The following DLG2 variants were observed in gnomAD, a reference collection of about 807,000 sequenced individuals.
The protein encoded by DLG2 is discs large MAGUK scaffold protein 2.
DLG2 carries 45 observed loss-of-function variants against 132.5 expected under a neutral mutation model. The observed-to-expected ratio is 0.34, with a 90% CI of 0.27 to 0.44. The LOEUF is 0.44. Among genes scored for constraint, DLG2 ranks in the 20% least tolerant of loss-of-function variants. The pLI is 1.00. For missense variants in DLG2, 1,045 were observed against 1,196.9 expected (o/e 0.87, Z 1.87); for synonymous variants, 424 against 419.6 (o/e 1.01, Z -0.13).
At chr11:85,538,140 T>G (rs930953499) in intron 3 of DLG2, among the ~76,000 whole-genome samples, 3 of 151,200 alleles carry the variant, frequency 2.0e-5, no homozygotes, top group Non-Finnish European at 2.9e-5. Context: ...AATTAAAAAA[T>G]AAAAAAAGAA....
At chr11:84,299,376 G>C (rs1323763068) in intron 7 of DLG2, among the ~76,000 whole-genome samples, 1 of 152,152 alleles carries the variant, frequency 6.6e-6, no homozygotes, top group Non-Finnish European at 1.5e-5. Context: ...TTATGGGAAT[G>C]ATAACACACC....
chr11:84,239,250 G>C (rs1483341127), intron 8 of DLG2, among the ~76,000 whole-genome samples: 1 of 151,130 alleles, frequency 6.6e-6, no homozygotes, highest in Non-Finnish European at 1.5e-5. Flanking sequence ...GTGTGATCTC[G>C]GCTCACTGCA....
At chr11:85,171,592 T>C (rs979018674) in intron 4 of DLG2, among the ~76,000 whole-genome samples, 1 of 152,110 alleles carries the variant, frequency 6.6e-6, no homozygotes, top group Non-Finnish European at 1.5e-5. Flanking sequence ...GGGGGCTGAA[T>C]CCAGGAGTTA....
intron 7 of DLG2, among the ~76,000 whole-genome samples, chr11:84,433,668 T>G (rs1328391478): frequency 6.6e-6 from 1 of 152,206 alleles, no homozygotes; most frequent in South Asian, 2.1e-4. Context: ...TCACCTAACA[T>G]CTTTGACTTT....
At chr11:85,043,723 A>C (rs1167561616) in intron 6 of DLG2, among the ~76,000 whole-genome samples, 1 of 151,954 alleles carries the variant, frequency 6.6e-6, no homozygotes, top group African/African-American at 2.4e-5. Context: ...CTTTAAAATA[A>C]CTTTTAAAAT....
chr11:84,328,865 T>C (rs1444351888), intron 7 of DLG2, among the ~76,000 whole-genome samples: 3 of 152,128 alleles, frequency 2.0e-5, no homozygotes, highest in Non-Finnish European at 2.9e-5. Flanking sequence ...ATTAACCATC[T>C]TCTCCTCTGG....
At chr11:84,591,333 G>GT (rs2099542860) in intron 6 of DLG2, among the ~76,000 whole-genome samples, 2 of 118,768 alleles carry the variant, frequency 1.7e-5, no homozygotes, top group Admixed American at 9.2e-5. Context: ...TTTTTGTTTT[G>GT]TTTGTTTGTT....
chr11:85,555,814 A>G (rs1289074894), intron 3 of DLG2, among the ~76,000 whole-genome samples: 1 of 151,802 alleles, frequency 6.6e-6, no homozygotes. Flanking sequence ...CTCAGAGATG[A>G]GAGGAACTTT....
chr11:85,553,269 T>TA (rs1009105226), intron 3 of DLG2, among the ~76,000 whole-genome samples: 2 of 151,716 alleles, frequency 1.3e-5, no homozygotes, highest in Admixed American at 1.3e-4. Flanking sequence ...TTTCATTCAA[T>TA]AAATACTTAT....
At chr11:84,784,642 T>C (rs1248857581) in intron 6 of DLG2, among the ~76,000 whole-genome samples, 1 of 152,196 alleles carries the variant, frequency 6.6e-6, no homozygotes, top group East Asian at 1.9e-4. Context: ...GACTCTTGCT[T>C]TTAAAAATAA....
At chr11:84,740,342 G>A (rs1298828358) in intron 6 of DLG2, among the ~76,000 whole-genome samples, 1 of 152,034 alleles carries the variant, frequency 6.6e-6, no homozygotes, top group African/African-American at 2.4e-5. Context: ...AATCCCATCA[G>A]GCTCCATTGC....
At chr11:84,336,021 A>G (rs1169626979) in intron 7 of DLG2, among the ~76,000 whole-genome samples, 2 of 152,228 alleles carry the variant, frequency 1.3e-5, no homozygotes, top group Non-Finnish European at 2.9e-5. Context: ...ACAGCATAAC[A>G]TGCATATCCA....
intron 3 of DLG2, among the ~76,000 whole-genome samples, chr11:85,380,101 C>A (rs1455393617): frequency 6.6e-6 from 1 of 152,152 alleles, no homozygotes; most frequent in Non-Finnish European, 1.5e-5. Context: ...CTAAATATCA[C>A]CCACAGCTAA....
chr11:84,517,979 G>A (rs2099278854), intron 7 of DLG2, among the ~76,000 whole-genome samples: 1 of 151,748 alleles, frequency 6.6e-6, no homozygotes, highest in Admixed American at 6.6e-5. Flanking sequence ...GTAGAAAGGT[G>A]TTTACCAGGA....
At chr11:85,138,138 T>A (rs2076242443) in intron 5 of DLG2, among the ~76,000 whole-genome samples, 2 of 152,174 alleles carry the variant, frequency 1.3e-5, no homozygotes, top group Admixed American at 1.3e-4. Flanking sequence ...GATATTCAAT[T>A]GTATGGACCT....
At chr11:85,088,551 A>G (rs1232959531) in intron 6 of DLG2, among the ~76,000 whole-genome samples, 1 of 152,224 alleles carries the variant, frequency 6.6e-6, no homozygotes, top group Non-Finnish European at 1.5e-5. Context: ...AGAGGTCAGG[A>G]GAGACTTCAA....
At chr11:84,582,299 G>A (rs779262367) in intron 6 of DLG2, among the ~76,000 whole-genome samples, 2 of 150,372 alleles carry the variant, frequency 1.3e-5, no homozygotes, top group Admixed American at 6.6e-5. Flanking sequence ...TGAAGGTGGC[G>A]AATATATATA....
intron 6 of DLG2, among the ~76,000 whole-genome samples, chr11:84,974,298 T>C (rs1364291138): frequency 6.6e-6 from 1 of 152,232 alleles, no homozygotes; most frequent in African/African-American, 2.4e-5. Context: ...GCCATCAAAC[T>C]TACTGGCATA....
At chr11:84,523,861 CTT>C (rs999396650) in intron 7 of DLG2, among the ~76,000 whole-genome samples, 3 of 152,206 alleles carry the variant, frequency 2.0e-5, no homozygotes, top group East Asian at 3.9e-4. Flanking sequence ...ATTTTTAAAA[CTT>C]ATTATGATTT....
Sources: gnomAD v4.1 joint callset for allele counts (sites outside exome capture counted in the v4.1 genomes callset) on GRCh38, gnomAD v4.1.1 for gene constraint, MANE v1.5 for transcripts, NCBI Gene and HGNC (gene_info 2026-07-23, HGNC 2026-07-21) for gene names.